The following TTYH1 variants were observed in gnomAD, a reference collection of about 807,000 sequenced individuals.
TTYH1 encodes protein tweety homolog 1.
A neutral mutation model predicts 61.2 loss-of-function variants in TTYH1; 33 were observed. That is an observed-to-expected ratio of 0.54 (90% CI 0.41 to 0.72). TTYH1 has a LOEUF of 0.72. TTYH1 is among the 30% of genes least tolerant of loss of function. TTYH1 has a pLI of 0.00. For synonymous variants in TTYH1, 308 were observed against 266.4 expected (o/e 1.16, Z -1.52); for missense variants, 538 against 575.8 (o/e 0.93, Z 0.67).
chr19:54,428,202 G>A (rs2083369203), intron 5 of TTYH1, among the ~76,000 whole-genome samples: 1 of 143,594 alleles, frequency 7.0e-6, no homozygotes, highest in South Asian at 2.2e-4. Context: ...CAATTCTCCT[G>A]CTTCAGCCTC....
In TTYH1 at chr19:54,416,122, G is replaced by A. The variant is rs932426528; in HGVS notation, c.126+444G>A. ...GGAGACAGCGGACCTGATAACGGTG[G>A]CGGGGAAAACGCTGGCTGCTGCGGT... On this transcript the variant is annotated intron_variant, in intron 1 of 13. Transcript: ENST00000376530. The surrounding 1 kb of genome is among the most constrained non-coding windows in gnomAD (Gnocchi z 7.0). The A allele has an allele frequency of 3.9e-6, 5 of 1,281,308 alleles. No individual in the cohort carries two copies. The African/African-American group carries it at 4.6e-5, about 12-fold the overall frequency. 79.4% of individuals were successfully genotyped at this position (1,281,308 alleles called of 1,614,324 possible). A position where few individuals can be genotyped will look rare whatever the true frequency, so the allele number is the denominator to read the frequency against.
chr19:54,425,651 C>T (rs546741994), intron 4 of TTYH1, among the ~76,000 whole-genome samples: 1 of 152,160 alleles, frequency 6.6e-6, no homozygotes, highest in South Asian at 2.1e-4. Context: ...CTCACTGTGG[C>T]TTGCATGCTT....
Position 54,421,165 on chromosome 19 carries a change from G to A in TTYH1, c.306-112G>A. 2.8e-6 allele frequency: 2 copies of A among 704,168 alleles called. No homozygotes were observed. Among genetic ancestry groups the A allele is most frequent in the South Asian group, 1.6e-5 (1 of 61,480 alleles). The allele number at this position is 704,168 out of a possible 1,614,324, so 43.6% of individuals were successfully genotyped here. On this transcript the variant is annotated intron_variant, in intron 2 of 13. Coordinates refer to ENST00000376530, the MANE Select transcript of TTYH1 (RefSeq NM_020659.4). This position sits in a 1 kb window ranked among gnomAD's most constrained non-coding sequence, Gnocchi z 4.8. ...CGGGCTGGCCCAATGAGGTGGGGCT[G>A]AGATGGGAGGGGTGGATAAGAAGGC... is the stretch of plus-strand genomic sequence containing the variant.
Position 54,416,286 on chromosome 19 carries a change from G to T in TTYH1, c.126+608G>T. 1 of 301,430 alleles carries T rather than the reference G, an allele frequency of 3.3e-6. No homozygotes were observed. Among genetic ancestry groups the T allele is most frequent in the South Asian group, 3.0e-5 (1 of 33,730 alleles). The allele number at this position is 301,430 out of a possible 1,614,324, so 18.7% of individuals were successfully genotyped here. A position where few individuals can be genotyped will look rare whatever the true frequency, so the allele number is the denominator to read the frequency against. The stretch of plus-strand genomic sequence containing the variant: ...AAGGGGTGGTCAGGGCGCTGCAGGG[G>T]TGAGGGCCGAGATGAGGCTGGGTTT... On this transcript the variant is annotated intron_variant, in intron 1 of 13. Transcript: ENST00000376530. The surrounding 1 kb of genome is among the most constrained non-coding windows in gnomAD (Gnocchi z 7.0).
rs867037340 is a variant in TTYH1, at chr19:54,420,339, G to T, written c.306-938G>T. On this transcript the variant is annotated intron_variant, in intron 2 of 13. Coordinates refer to ENST00000376530, the MANE Select transcript of TTYH1 (RefSeq NM_020659.4). The surrounding 1 kb of genome is among the most constrained non-coding windows in gnomAD (Gnocchi z 4.8). ...GCTTCCTCCTCCGGCTCTCTGGCGT[G>T]GGGGGAGACAGGGGAGGTGGACAAA... is the stretch of plus-strand genomic sequence containing the variant. Among the ~76,000 whole-genome samples the T allele has an allele frequency of 9.2e-5, 14 of 152,140 alleles. No homozygotes were observed. Among genetic ancestry groups the T allele is most frequent in the East Asian group, 1.9e-4 (1 of 5,188 alleles).
At chr19:54,426,608 T>C in intron 4 of TTYH1, 65 bp from the exon 5 acceptor site, 4 of 1,287,318 alleles carry the variant, frequency 3.1e-6, no homozygotes, top group Non-Finnish European at 3.4e-6. Context: ...TGGTGGAGGG[T>C]TGCTGTTCCG....
At chr19:54,430,059 T>G (rs1489447379) in intron 7 of TTYH1, 102 bp downstream of exon 7, 2 of 1,046,706 alleles carry the variant, frequency 1.9e-6, no homozygotes, top group Admixed American at 4.5e-5. Context: ...GGGGTGGGGG[T>G]GCAGCCTGCC....
intron 4 of TTYH1, among the ~76,000 whole-genome samples, chr19:54,423,858 A>G (rs1416298773): frequency 1.3e-5 from 2 of 152,154 alleles, no homozygotes; most frequent in East Asian, 3.8e-4. Flanking sequence ...GGCCATGAGA[A>G]CTTTGGAGAA....
At position 54,436,047 on chromosome 19, in the gene TTYH1, A is replaced by C; in HGVS notation, c.1315-44A>C. Reference sequence around the variant, plus strand: ...GTCCCACAGTACAAAGCCAATTCCCACTCCATTCCCTCCTCTCCCCCGCTA... The same window carrying C: ...GTCCCACAGTACAAAGCCAATTCCCCCTCCATTCCCTCCTCTCCCCCGCTA... On this transcript the variant is annotated intron_variant, in intron 12 of 13. Coordinates refer to ENST00000376530, the MANE Select transcript of TTYH1 (RefSeq NM_020659.4). This position sits in a 1 kb window ranked among gnomAD's most constrained non-coding sequence, Gnocchi z 4.3. 6.2e-7 allele frequency: 1 copy of C among 1,601,856 alleles called. No individual in the cohort carries two copies. The highest frequency in any genetic ancestry group is 8.5e-7 in the Non-Finnish European group (1 of 1,170,014).
chr19:54,422,473 A>G, intron 4 of TTYH1, 63 bp downstream of exon 4: 18 of 1,388,370 alleles, frequency 1.3e-5, no homozygotes, highest in African/African-American at 2.9e-5. Context: ...CCGGGGGGAC[A>G]GTTGGCAATG....
At position 54,429,024 on chromosome 19, in the gene TTYH1, C is replaced by CCGT. The variant is rs1287719871; in HGVS notation, c.735-281_735-279dup. Among the ~76,000 whole-genome samples the CCGT allele has an allele frequency of 6.6e-6, 1 of 152,174 alleles. No homozygotes were observed. Among genetic ancestry groups the CCGT allele is most frequent in the African/African-American group, 2.4e-5 (1 of 41,438 alleles). ...AAGTGAGCCCAGAGGTGAGCAGTCACCGTCCCAGGGTCCTGGAGCTGGGAT... is the reference window on the plus strand; with the variant it reads ...AAGTGAGCCCAGAGGTGAGCAGTCACCGTCGTCCCAGGGTCCTGGAGCTGGGAT... On this transcript the variant is annotated intron_variant, in intron 5 of 13. Coordinates refer to ENST00000376530, the MANE Select transcript of TTYH1 (RefSeq NM_020659.4). The surrounding 1 kb of genome is among the most constrained non-coding windows in gnomAD (Gnocchi z 5.1).
chr19:54,435,737 C>A (rs1260722394), intron 11 of TTYH1, 53 bp downstream of exon 11: 1 of 1,611,140 alleles, frequency 6.2e-7, no homozygotes, highest in Non-Finnish European at 8.5e-7. Context: ...GGGGCAGCAC[C>A]TGGGGACCAC....
rs1047759940 is a variant in TTYH1 at position 54,415,804 on chromosome 19, T to C, written c.126+126T>C. 38 of 1,162,380 alleles carry C rather than the reference T, an allele frequency of 3.3e-5. No homozygotes were observed. Among genetic ancestry groups the C allele is most frequent in the Non-Finnish European group, 3.6e-5 (31 of 863,034 alleles). 72.0% of individuals were successfully genotyped at this position (1,162,380 alleles called of 1,614,324 possible). ...GGAGGCTGGGGGCCGGCCCGGACTT[T>C]GGGGTTTCGGAGGGAGGAGGAGCCT... is the stretch of plus-strand genomic sequence containing the variant. On this transcript the variant is annotated intron_variant, in intron 1 of 13. Transcript: ENST00000376530. This position sits in a 1 kb window ranked among gnomAD's most constrained non-coding sequence, Gnocchi z 5.2.
At position 54,419,989 on chromosome 19, in the gene TTYH1, G is replaced by T. The variant is rs1393182410; in HGVS notation, c.305+683G>T. 1.3e-5 allele frequency among the ~76,000 whole-genome samples: 2 copies of T among 152,118 alleles called. No individual in the cohort carries two copies. Among genetic ancestry groups the T allele is most frequent in the Non-Finnish European group, 2.9e-5 (2 of 68,024 alleles). On this transcript the variant is annotated intron_variant, in intron 2 of 13. Coordinates refer to ENST00000376530, the MANE Select transcript of TTYH1 (RefSeq NM_020659.4). This position sits in a 1 kb window ranked among gnomAD's most constrained non-coding sequence, Gnocchi z 6.1. ...ATGCTGCTGGATTCAGGGGTGTCAG[G>T]CCCAGTTTCCAAAGAGGAAGGCTCA...
intron 9 of TTYH1, 53 bp from the exon 10 acceptor site, chr19:54,431,046 C>T (rs1274703256): frequency 8.5e-6 from 13 of 1,527,368 alleles, no homozygotes; most frequent in Admixed American, 1.7e-5. Context: ...GGGGCCAGGG[C>T]GATGGGCGGG....
chr19:54,428,650 T>G (rs2083376544), intron 5 of TTYH1, among the ~76,000 whole-genome samples: 1 of 151,716 alleles, frequency 6.6e-6, no homozygotes, highest in Non-Finnish European at 1.5e-5. Context: ...ATTGGAGGAG[T>G]CCCTGCATTC....
chr19:54,426,203 G>A (rs189484937), intron 4 of TTYH1, among the ~76,000 whole-genome samples: 1 of 152,302 alleles, frequency 6.6e-6, no homozygotes, highest in East Asian at 1.9e-4. Flanking sequence ...GAGAGGCTAA[G>A]GTTACCGAGA....
intron 4 of TTYH1, among the ~76,000 whole-genome samples, chr19:54,424,115 C>T (rs938230329): frequency 5.3e-5 from 8 of 151,658 alleles, no homozygotes; most frequent in East Asian, 1.9e-4. Context: ...GAGCAGAGAT[C>T]GTGCCACTGC....
rs1168280238 is a variant in TTYH1, at chr19:54,422,360, C to T, written c.588C>T (p.Pro196=). Residue 196 remains proline, a synonymous_variant, in exon 4 of 14, where the codon CCC becomes CCT. Transcript: ENST00000376530. The part of the protein sequence containing the change: ...LQGLAFWQGV[P]LSPLQVAENV... ...GGCTGGCCTTCTGGCAGGGAGTGCC[C>T]CTGAGCCCCCTGCAGGTGGCTGAAA... 6.3e-7 allele frequency: 1 copy of T among 1,574,804 alleles called. No homozygotes were observed. The highest frequency in any genetic ancestry group is 1.2e-5 in the South Asian group (1 of 85,816).
Sources: gnomAD v4.1 joint callset for allele counts (sites outside exome capture counted in the v4.1 genomes callset) on GRCh38, gnomAD v4.1.1 for gene constraint, Gnocchi (gnomAD v3.1) non-coding constraint, MANE v1.5 for transcripts, NCBI Gene and HGNC (gene_info 2026-07-23, HGNC 2026-07-21) for gene names.